The following MYH14 variants were observed in gnomAD, a reference collection of about 807,000 sequenced individuals.
The protein encoded by MYH14 is myosin-14.
Under a neutral mutation model 255.5 loss-of-function variants are expected in MYH14, and 123 were observed. The observed-to-expected ratio is 0.48, with a 90% CI of 0.42 to 0.56. MYH14 has a LOEUF of 0.56. Among genes scored for constraint, MYH14 ranks in the 20% least tolerant of loss-of-function variants. The pLI is 0.00. For synonymous variants in MYH14, 1,095 were observed against 1,161.2 expected (o/e 0.94, Z 1.16); for missense variants, 2,423 against 2,802.3 (o/e 0.86, Z 3.06).
intron 27 of MYH14, among the ~76,000 whole-genome samples, chr19:50,273,921 G>A (rs2035411262): frequency 6.6e-6 from 1 of 152,038 alleles, no homozygotes; most frequent in South Asian, 2.1e-4. Context: ...CACTGCACCC[G>A]GCCGTGAACA....
At position 50,250,489 on chromosome 19, in the gene MYH14, A is replaced by G. The variant is rs771198570; in HGVS notation, c.1657-26A>G. The stretch of plus-strand genomic sequence containing the variant: ...TGTCCAATATGTGGGGATCTGACTT[A>G]CTCTCCCCCTGCTGTCAATGGCCAG... On this transcript the variant is annotated intron_variant, in intron 14 of 42. Transcript: ENST00000642316. The surrounding 1 kb of genome is among the most constrained non-coding windows in gnomAD (Gnocchi z 5.4). 2.5e-6 allele frequency: 4 copies of G among 1,603,456 alleles called. No individual in the cohort carries two copies. Among genetic ancestry groups the G allele is most frequent in the South Asian group, 2.2e-5 (2 of 89,298 alleles).
intron 10 of MYH14, among the ~76,000 whole-genome samples, chr19:50,233,136 C>T (rs2033488075): frequency 6.6e-6 from 1 of 151,898 alleles, no homozygotes; most frequent in African/African-American, 2.4e-5. Context: ...ATGCTCAGCT[C>T]ATCACCCCCG....
chr19:50,226,996 G>A (rs201476434), intron 8 of MYH14, 30 bp downstream of exon 8: 61 of 1,610,142 alleles, frequency 3.8e-5, no homozygotes, highest in Non-Finnish European at 5.1e-5. Flanking sequence ...GGGGGTGGCA[G>A]CCAAGGGGGG....
At chr19:50,224,280 C>T in intron 6 of MYH14, 103 bp downstream of exon 6, 1 of 1,507,830 alleles carries the variant, frequency 6.6e-7, no homozygotes, top group South Asian at 1.1e-5. Flanking sequence ...AGCAGTGGTC[C>T]CACCTGCCAG....
intron 2 of MYH14, among the ~76,000 whole-genome samples, chr19:50,211,741 A>G (rs1470424571): frequency 6.6e-6 from 1 of 151,606 alleles, no homozygotes; most frequent in Non-Finnish European, 1.5e-5. Context: ...CAGTACTTTG[A>G]GAGGCTGAGG....
intron 6 of MYH14, among the ~76,000 whole-genome samples, chr19:50,225,095 CAT>C (rs769384879): frequency 5.3e-5 from 8 of 152,206 alleles, no homozygotes; most frequent in Non-Finnish European, 1.2e-4. Flanking sequence ...ACAAGCAACA[CAT>C]GAGTACATAT....
chr19:50,300,306 C>T (rs761349816), intron 39 of MYH14, among the ~76,000 whole-genome samples: 2 of 152,144 alleles, frequency 1.3e-5, no homozygotes, highest in Non-Finnish European at 2.9e-5. Flanking sequence ...TGAAACGGTT[C>T]TCATCTCCAG....
At position 50,250,998 on chromosome 19, in the gene MYH14, G is replaced by C. The variant is rs1222450351; in HGVS notation, c.1830+310G>C. ...GGGTGCCATTTGTGTGCCCAGCTCG[G>C]GGCCGAGCAAAGCTGGATACACAGA... On this transcript the variant is annotated intron_variant, in intron 15 of 42. Transcript: ENST00000642316. The surrounding 1 kb of genome is among the most constrained non-coding windows in gnomAD (Gnocchi z 5.4). Among the ~76,000 whole-genome samples, 1 of 152,170 alleles carries C rather than the reference G, an allele frequency of 6.6e-6. No homozygotes were observed. Among genetic ancestry groups the C allele is most frequent in the Non-Finnish European group, 1.5e-5 (1 of 68,040 alleles).
chr19:50,297,299 C>A (rs182930536), intron 39 of MYH14, among the ~76,000 whole-genome samples: 5 of 151,678 alleles, frequency 3.3e-5, no homozygotes, highest in Non-Finnish European at 7.4e-5. Context: ...TGTATTCTCT[C>A]GTGGTCCTGG....
At chr19:50,271,320 C>T (rs1022071274) in intron 24 of MYH14, 89 bp from the exon 25 acceptor site, 19 of 1,400,704 alleles carry the variant, frequency 1.4e-5, no homozygotes, top group African/African-American at 1.0e-4. Context: ...CGCGGGGATC[C>T]GTGGGCCAGC....
In MYH14 at chr19:50,293,444, C is replaced by A; in HGVS notation, c.5346-120C>A. ...GAGGTGGGCGGGGTTAACCTCGGGG[C>A]CCCTGGGGTGTGAGGCTGGGGAGAT... is the stretch of plus-strand genomic sequence containing the variant. On this transcript the variant is annotated intron_variant, in intron 38 of 42. Coordinates refer to ENST00000642316, the MANE Select transcript of MYH14 (RefSeq NM_001145809.2). The surrounding 1 kb of genome is among the most constrained non-coding windows in gnomAD (Gnocchi z 4.1). 1 of 1,533,970 alleles carries A rather than the reference C, an allele frequency of 6.5e-7. No homozygotes were observed. The highest frequency in any genetic ancestry group is 8.9e-7 in the Non-Finnish European group (1 of 1,129,836).
At chr19:50,204,088 G>A (rs754455759) in intron 1 of MYH14, among the ~76,000 whole-genome samples, 10 of 152,212 alleles carry the variant, frequency 6.6e-5, no homozygotes, top group Non-Finnish European at 5.9e-5. Flanking sequence ...TGGAAGAGGC[G>A]GAGGGGTAGG....
chr19:50,254,370 T>A (rs909125897), intron 16 of MYH14, among the ~76,000 whole-genome samples: 10 of 152,234 alleles, frequency 6.6e-5, no homozygotes, highest in African/African-American at 2.2e-4. Flanking sequence ...ATATAGTATT[T>A]ACACAAGGAG....
chr19:50,249,536 G>A, intron 13 of MYH14, 114 bp from the exon 14 acceptor site: 1 of 669,274 alleles, frequency 1.5e-6, no homozygotes. Context: ...CCTCTCTCTG[G>A]GTCTCTGTCC....
At position 50,292,354 on chromosome 19, in the gene MYH14, A is replaced by G; in HGVS notation, c.5221A>G (p.Lys1741Glu). The change falls in exon 37 of 43, where the codon AAG becomes GAG. Residue 1741 changes from lysine to glutamate, a missense_variant. Coordinates refer to ENST00000642316, the MANE Select transcript of MYH14 (RefSeq NM_001145809.2). ...SQNRESEKRL[K>E]GLEAEVLRLQ... ...GAATCGGGAAAGTGAAAAGCGCCTC[A>G]AGGGCCTGGAGGCTGAGGTGCTGCG... The G allele has an allele frequency of 2.5e-6, 4 of 1,591,510 alleles. No individual in the cohort carries two copies. The highest frequency in any genetic ancestry group is 2.6e-6 in the Non-Finnish European group (3 of 1,169,526).
chr19:50,262,257 C>T (rs2123356702), intron 21 of MYH14, among the ~76,000 whole-genome samples: 1 of 152,216 alleles, frequency 6.6e-6, no homozygotes, highest in African/African-American at 2.4e-5. Flanking sequence ...CTCCTTCCTC[C>T]TTAGAAGTGG....
chr19:50,297,789 A>G (rs2123468541), intron 39 of MYH14, among the ~76,000 whole-genome samples: 1 of 151,744 alleles, frequency 6.6e-6, no homozygotes, highest in South Asian at 2.1e-4. Flanking sequence ...GTGAGCCACC[A>G]TTGCCTGGCC....
At chr19:50,279,491 G>T (rs1236275064) in intron 30 of MYH14, among the ~76,000 whole-genome samples, 1 of 152,136 alleles carries the variant, frequency 6.6e-6, no homozygotes, top group East Asian at 1.9e-4. Context: ...AAATTAGCCG[G>T]GTGTGGTGGC....
rs1162456665 is a variant in MYH14, at chr19:50,276,089, G to T, written c.3566G>T (p.Arg1189Leu). 1.1e-5 allele frequency: 17 copies of T among 1,610,168 alleles called. No individual in the cohort carries two copies. Among genetic ancestry groups the T allele is most frequent in the Non-Finnish European group, 1.4e-5 (17 of 1,178,760 alleles). The stretch of plus-strand genomic sequence containing the variant: ...GCCCAGGAGGACCTGGAGTCTGAGC[G>T]TGTGGCCAGGACCAAGGCGGAGAAG... ...AEAQEDLESE[R>L]VARTKAEKQR... The change falls in exon 28 of 43, where the codon CGT (arginine) becomes CTT (leucine). Residue 1189 changes from arginine to leucine, a missense_variant. Physicochemically the swap from Arg to Leu is moderately radical, Grantham distance 102 (BLOSUM62 -2). Around this residue, in one of 3 missense-constraint regions of MYH14, gnomAD observed 1,513 missense variants for 1,674.8 expected, o/e 0.90. Transcript: ENST00000642316. This position sits in a 1 kb window ranked among gnomAD's most constrained non-coding sequence, Gnocchi z 4.3.
Sources: allele counts gnomAD v4.1 joint callset (sites outside exome capture counted in the v4.1 genomes callset), GRCh38; gene constraint gnomAD v4.1.1; regional missense constraint gnomAD v4.1.1; non-coding constraint Gnocchi (gnomAD v3.1); transcripts MANE v1.5; gene names NCBI Gene and HGNC (gene_info 2026-07-23, HGNC 2026-07-21).